Variants in SLC12A2 observed in about 807,000 individuals in gnomAD.
SLC12A2 encodes Na-K-2Cl cotransporter 1.
SLC12A2 carries 67 observed loss-of-function variants against 136.3 expected under a neutral mutation model. That is an observed-to-expected ratio of 0.49 (90% CI 0.40 to 0.60). The LOEUF (loss-of-function observed/expected upper bound fraction) is 0.60. Ranked by LOEUF, SLC12A2 falls within the 20% of genes least tolerant of loss-of-function variation. The pLI, the probability that SLC12A2 is intolerant of heterozygous loss-of-function variation, is 0.00. For missense variants in SLC12A2, 1,322 were observed against 1,534.7 expected (o/e 0.86, Z 2.32); for synonymous variants, 619 against 562.9 (o/e 1.10, Z -1.41).
intron 1 of SLC12A2, among the ~76,000 whole-genome samples, chr5:128,092,833 T>A (rs1174060636): frequency 1.3e-5 from 2 of 152,200 alleles, no homozygotes; most frequent in African/African-American, 4.8e-5. Context: ...CCTATGATTT[T>A]CATTTTTCTT....
At chr5:128,099,351 ATG>A (rs1161681360) in intron 1 of SLC12A2, among the ~76,000 whole-genome samples, 1 of 152,180 alleles carries the variant, frequency 6.6e-6, no homozygotes, top group Non-Finnish European at 1.5e-5. Flanking sequence ...AAAAGATAAA[ATG>A]GTACACATGT....
intron 19 of SLC12A2, among the ~76,000 whole-genome samples, chr5:128,174,070 CTATGTAT>C (rs1040045364): frequency 6.6e-6 from 1 of 152,118 alleles, no homozygotes. Context: ...GATTCACATA[CTATGTAT>C]TACTGTCTAC....
At chr5:128,168,644 G>C (rs573210387) in intron 18 of SLC12A2, 2 of 152,220 alleles carry the variant, frequency 1.3e-5, no homozygotes, top group Non-Finnish European at 2.9e-5. Context: ...AGGCAGTCCC[G>C]TCTGGGGGTG....
At chr5:128,172,455 T>C (rs1763406991) in intron 19 of SLC12A2, among the ~76,000 whole-genome samples, 1 of 152,218 alleles carries the variant, frequency 6.6e-6, no homozygotes, top group Admixed American at 6.5e-5. Context: ...ACCATTGCAA[T>C]AAAGATACAG....
chr5:128,119,324 A>T (rs1761466884), intron 4 of SLC12A2, among the ~76,000 whole-genome samples: 1 of 152,224 alleles, frequency 6.6e-6, no homozygotes, highest in South Asian at 2.1e-4. Flanking sequence ...AACACTATTC[A>T]AAGGTTGGGG....
chr5:128,096,439 T>A (rs1311019385), intron 1 of SLC12A2, among the ~76,000 whole-genome samples: 1 of 152,104 alleles, frequency 6.6e-6, no homozygotes, highest in African/African-American at 2.4e-5. Context: ...CTTATCAGAC[T>A]TGATATTTTA....
intron 10 of SLC12A2, among the ~76,000 whole-genome samples, chr5:128,147,082 CTTTTTTT>C (rs34232629): frequency 1.5e-5 from 2 of 132,064 alleles, no homozygotes; most frequent in Admixed American, 7.6e-5. Context: ...AATGTGTAAC[CTTTTTTT>C]TTTTTTTTTT....
At chr5:128,131,298 T>C in intron 5 of SLC12A2, 92 bp downstream of exon 5, 1 of 1,244,774 alleles carries the variant, frequency 8.0e-7, no homozygotes, top group Non-Finnish European at 1.2e-6. Flanking sequence ...AAAGCAGTGA[T>C]ATGATGACCA....
intron 4 of SLC12A2, among the ~76,000 whole-genome samples, chr5:128,117,814 A>G (rs1231955023): frequency 6.6e-6 from 1 of 152,180 alleles, no homozygotes; most frequent in Non-Finnish European, 1.5e-5. Flanking sequence ...ATATTTGCCA[A>G]CTCTACATCT....
At chr5:128,157,029 A>G (rs536405282) in intron 15 of SLC12A2, among the ~76,000 whole-genome samples, 1 of 152,314 alleles carries the variant, frequency 6.6e-6, no homozygotes, top group East Asian at 1.9e-4. Flanking sequence ...CAACTCTCCC[A>G]GACAGAATTG....
intron 1 of SLC12A2, among the ~76,000 whole-genome samples, chr5:128,111,472 A>G (rs1302914050): frequency 6.6e-6 from 1 of 152,144 alleles, no homozygotes; most frequent in Non-Finnish European, 1.5e-5. Context: ...CTGTTAAAAG[A>G]AAATATATAT....
intron 1 of SLC12A2, among the ~76,000 whole-genome samples, chr5:128,111,169 A>G (rs1581070412): frequency 1.3e-5 from 2 of 152,348 alleles, no homozygotes; most frequent in African/African-American, 4.8e-5. Context: ...CATTTTTAGA[A>G]TTTTATAATA....
chr5:128,085,614 C>G, intron 1 of SLC12A2, among the ~76,000 whole-genome samples: 1 of 152,050 alleles, frequency 6.6e-6, no homozygotes, highest in East Asian at 1.9e-4. Flanking sequence ...TTTTATGAGC[C>G]GGGATTACTT....
At position 128,134,386 on chromosome 5, in the gene SLC12A2, G is replaced by C; in HGVS notation, c.1299+111G>C. ...ATTTCCAGATTCTAATGGTACCTAA[G>C]TGGCCATTTTCACAAATGTTTATGT... On this transcript the variant is annotated intron_variant, in intron 6 of 26. Coordinates refer to ENST00000262461, the MANE Select transcript of SLC12A2 (RefSeq NM_001046.3). 6.3e-6 allele frequency: 4 copies of C among 635,854 alleles called. No homozygotes were observed. In the South Asian group the frequency reaches 8.3e-5, roughly 13 times the overall value. The allele number at this position is 635,854 out of a possible 1,614,324, so 39.4% of individuals were successfully genotyped here. A position where few individuals can be genotyped will look rare whatever the true frequency, so the allele number is the denominator to read the frequency against.
chr5:128,168,144 C>T (rs955628038), intron 18 of SLC12A2: 1 of 202,326 alleles, frequency 4.9e-6, no homozygotes, highest in Non-Finnish European at 9.8e-6. Flanking sequence ...TCTGGCTTCT[C>T]ATTTAAGTTT....
chr5:128,138,969 A>ACTTATTTTTATG, intron 9 of SLC12A2, 61 bp downstream of exon 9: 1 of 1,106,310 alleles, frequency 9.0e-7, no homozygotes, highest in East Asian at 2.4e-5. Flanking sequence ...TACTATAAAT[A>ACTTATTTTTATG]CTTATTTTTA....
At chr5:128,137,638 C>T (rs186682007) in intron 7 of SLC12A2, among the ~76,000 whole-genome samples, 1 of 152,284 alleles carries the variant, frequency 6.6e-6, no homozygotes, top group Non-Finnish European at 1.5e-5. Flanking sequence ...TGCTAGAAAG[C>T]TCTAGTACAG....
chr5:128,113,859 A>G (rs1478576052), intron 2 of SLC12A2, among the ~76,000 whole-genome samples: 7 of 152,164 alleles, frequency 4.6e-5, no homozygotes, highest in African/African-American at 1.7e-4. Context: ...CAAAAGTTAA[A>G]CTTTGACTGA....
intron 15 of SLC12A2, among the ~76,000 whole-genome samples, chr5:128,154,080 A>G (rs1313934425): frequency 1.3e-5 from 2 of 151,216 alleles, no homozygotes; most frequent in Non-Finnish European, 2.9e-5. Context: ...AAAAAAAAAA[A>G]CCTCTTGCTT....
Sources: gnomAD v4.1 joint callset for allele counts (sites outside exome capture counted in the v4.1 genomes callset) on GRCh38, gnomAD v4.1.1 for gene constraint, MANE v1.5 for transcripts, NCBI Gene and HGNC (gene_info 2026-07-23, HGNC 2026-07-21) for gene names.